Variants in ZFYVE26 observed in about 807,000 individuals in gnomAD.
ZFYVE26 encodes zinc finger FYVE domain-containing protein 26.
In ZFYVE26, 181 loss-of-function variants were observed where a neutral mutation model predicts 276.5. The observed-to-expected ratio is 0.65, with a 90% CI of 0.58 to 0.74. ZFYVE26 has a LOEUF of 0.74. Among genes scored for constraint, ZFYVE26 ranks in the 30% least tolerant of loss-of-function variants. ZFYVE26 has a pLI of 0.00. For synonymous variants in ZFYVE26, 1,129 were observed against 1,203.1 expected (o/e 0.94, Z 1.27); for missense variants, 2,821 against 3,097.9 (o/e 0.91, Z 2.12).
intron 19 of ZFYVE26, 101 bp from the exon 20 acceptor site, chr14:67,784,537 G>T: frequency 9.9e-7 from 1 of 1,013,942 alleles, no homozygotes; most frequent in South Asian, 1.3e-5. Flanking sequence ...TCAAGATGAA[G>T]ACAATATGGA....
rs758630065 is a variant in ZFYVE26 at position 67,754,240 on chromosome 14, G to A, written c.6987-28C>T. 10 of 1,613,994 alleles carry A rather than the reference G, an allele frequency of 6.2e-6. No individual in the cohort carries two copies. The East Asian group carries it at 2.2e-4, about 36-fold the overall frequency. On this transcript the variant is annotated intron_variant, in intron 37 of 41. Transcript: ENST00000347230. ...GTGGTGACAGAATATGCACAGTCCA[G>A]CCTCATGAGGGGCCCCAGGTGACTG...
Position 67,730,861 on chromosome 14 carries a change from C to T in ZFYVE26, n.2680-1042G>A, listed in dbSNP as rs77943938. ...TCAGTTGATCCACCTGCCTTGGCCT[C>T]CTAAAGTGCTGGGATTACAGGCGTG... On this transcript the variant is annotated intron_variant and non_coding_transcript_variant, in intron 13 of 14. Transcript: ENST00000394455. Among the ~76,000 whole-genome samples, 1,391 of 152,284 alleles carry T rather than the reference C, an allele frequency of 9.1e-3. 47 individuals are homozygous for T. The highest frequency in any genetic ancestry group is 0.072 in the East Asian group (373 of 5,170).
Position 67,766,283 on chromosome 14 carries a change from G to T in ZFYVE26, c.5955C>A (p.Ser1985Arg), listed in dbSNP as rs750847486. 6.2e-7 allele frequency: 1 copy of T among 1,613,868 alleles called. No individual in the cohort carries two copies. Among genetic ancestry groups the T allele is most frequent in the African/African-American group, 1.3e-5 (1 of 74,910 alleles). ...LTDIMKQLLF[S>R]AKMMFVKAGQ... ...CGGCTTTGACGAACATCATCTTGGC[G>T]CTGAACAGCAGCTGCTTCATGATGT... The change falls in exon 32 of 42, where the codon AGC (serine) becomes AGA (arginine). Residue 1985 changes from serine to arginine, a missense_variant. Coordinates refer to ENST00000347230, the MANE Select transcript of ZFYVE26 (RefSeq NM_015346.4).
rs752365637 is a variant in ZFYVE26, at chr14:67,751,246, T to C, written c.7372-150A>G. ...TTCTCAAAGACATGGGGTCTCACTATGTTGCCCATGCTGGAGTGTAGTGGC... is the reference window on the plus strand; with the variant it reads ...TTCTCAAAGACATGGGGTCTCACTACGTTGCCCATGCTGGAGTGTAGTGGC... On this transcript the variant is annotated intron_variant, in intron 40 of 41. Coordinates refer to ENST00000347230, the MANE Select transcript of ZFYVE26 (RefSeq NM_015346.4). The C allele has an allele frequency of 8.2e-5, 65 of 795,396 alleles. 1 individual carries two copies. The highest frequency in any genetic ancestry group is 1.3e-4 in the Non-Finnish European group (60 of 469,536). The allele number at this position is 795,396 out of a possible 1,614,324, so 49.3% of individuals were successfully genotyped here.
intron 9 of ZFYVE26, among the ~76,000 whole-genome samples, 191 bp downstream of exon 9, chr14:67,803,910 C>CA (rs2040126137): frequency 1.3e-5 from 2 of 152,190 alleles, no homozygotes; most frequent in African/African-American, 4.8e-5. Context: ...CCCTACACCT[C>CA]ACCAAGGAAG....
chr14:67,815,409 C>A (rs115647187), intron 2 of ZFYVE26: 2 of 288,434 alleles, frequency 6.9e-6, no homozygotes, highest in South Asian at 3.9e-5. Context: ...TTAAGTAAAG[C>A]GACAACAATA....
chr14:67,768,625 A>G (rs1389342630), intron 29 of ZFYVE26, 77 bp from the exon 30 acceptor site: 106 of 1,388,202 alleles, frequency 7.6e-5, no homozygotes, highest in Non-Finnish European at 5.2e-5. Flanking sequence ...GACAGCATCA[A>G]CTTACAGTGT....
chr14:67,772,039 C>T lies in ZFYVE26; in HGVS notation c.5484+8G>A, dbSNP rs2140207258. 5.6e-6 allele frequency: 9 copies of T among 1,610,228 alleles called. No individual in the cohort carries two copies. Among genetic ancestry groups the T allele is most frequent in the Non-Finnish European group, 7.6e-6 (9 of 1,179,062 alleles). ...CTGAGGGTGACAGTGGAGACCGATG[C>T]TGCTTACCATGGTGAAGTGCTCCCT... On this transcript the variant is annotated splice_region_variant and intron_variant, in intron 28 of 41. Transcript: ENST00000347230.
chr14:67,805,362 T>G (rs2040158295), intron 7 of ZFYVE26, 57 bp from the exon 8 acceptor site: 2 of 1,613,520 alleles, frequency 1.2e-6, no homozygotes, highest in South Asian at 2.2e-5. Flanking sequence ...GGTTACAGAT[T>G]ATGACTGATT....
chr14:67,746,182 T>C (rs745621706), downstream of ZFYVE26, among the ~76,000 whole-genome samples: 2 of 152,092 alleles, frequency 1.3e-5, no homozygotes, highest in Non-Finnish European at 2.9e-5. Context: ...TAGACACTGA[T>C]AACAATGGTG....
chr14:67,751,001 C>T (rs764317975), intron 41 of ZFYVE26, 51 bp downstream of exon 41: 27 of 1,611,756 alleles, frequency 1.7e-5, no homozygotes, highest in Non-Finnish European at 2.2e-5. Context: ...CTAGGCAAGC[C>T]TGAGACACAA....
rs748496027 is a variant in ZFYVE26 at position 67,729,309 on chromosome 14, G to C, written n.3190C>G. ...TCTCCCCCTTTGTCAAGACGGCACGGGAGGGGGCGCAGACCAGCCTGCACT... is the reference window on the plus strand; with the variant it reads ...TCTCCCCCTTTGTCAAGACGGCACGCGAGGGGGCGCAGACCAGCCTGCACT... On this transcript the variant is annotated non_coding_transcript_exon_variant, in exon 14 of 15. Transcript: ENST00000394455. 21 of 1,601,336 alleles carry C rather than the reference G, an allele frequency of 1.3e-5. No homozygotes were observed. Among genetic ancestry groups the C allele is most frequent in the Non-Finnish European group, 1.8e-5 (21 of 1,179,920 alleles).
intron 13 of ZFYVE26, among the ~76,000 whole-genome samples, chr14:67,730,649 G>A (rs1273536836): frequency 6.6e-6 from 1 of 152,074 alleles, no homozygotes; most frequent in East Asian, 1.9e-4. Context: ...TGTCACTCAG[G>A]CTGGAGGGCA....
At chr14:67,745,848 A>G (rs536219763), downstream of ZFYVE26, among the ~76,000 whole-genome samples, 130 of 139,228 alleles carry the variant, frequency 9.3e-4, 1 homozygote, top group Admixed American at 1.6e-3. Flanking sequence ...CAACATAGTG[A>G]GATACTGTCT....
At position 67,755,646 on chromosome 14, in the gene ZFYVE26, T is replaced by C. The variant is rs184031435; in HGVS notation, c.6786+302A>G. Reference sequence around the variant, plus strand: ...ACACTAACGTTTCCATCATTCCTTATGAATTCTACATTCACGCCTCATGCT... The same window carrying C: ...ACACTAACGTTTCCATCATTCCTTACGAATTCTACATTCACGCCTCATGCT... On this transcript the variant is annotated intron_variant, in intron 36 of 41. Coordinates refer to ENST00000347230, the MANE Select transcript of ZFYVE26 (RefSeq NM_015346.4). 7.2e-5 allele frequency among the ~76,000 whole-genome samples: 11 copies of C among 152,372 alleles called. No individual in the cohort carries two copies. The East Asian group carries it at 1.7e-3, about 24-fold the overall frequency.
chr14:67,751,464 C>G (rs924945297), intron 40 of ZFYVE26: 1 of 341,140 alleles, frequency 2.9e-6, no homozygotes, highest in Non-Finnish European at 5.7e-6. Flanking sequence ...CACTATAGTC[C>G]AAAACTCCTG....
At position 67,783,283 on chromosome 14, in the gene ZFYVE26, G is replaced by C. The variant is rs557195518; in HGVS notation, c.3869C>G (p.Ser1290Cys). ...ENPTLERKPY[S>C]SPRDSSLPAL... ...TGGGAGTGATGAGTCCCTTGGGGAG[G>C]AGTAGGGCTTTCTTTCCAATGTAGG... The change falls in exon 21 of 42, where the codon TCC becomes TGC. Residue 1290 changes from serine to cysteine, a missense_variant. By Grantham distance (112) the Ser-to-Cys change is moderately radical. Coordinates refer to ENST00000347230, the MANE Select transcript of ZFYVE26 (RefSeq NM_015346.4). The C allele has an allele frequency of 6.8e-6, 11 of 1,613,530 alleles. No homozygotes were observed. Among genetic ancestry groups the C allele is most frequent in the Non-Finnish European group, 9.3e-6 (11 of 1,179,604 alleles).
rs555947095 is a variant in ZFYVE26, at chr14:67,807,451, G to A, written c.833C>T (p.Thr278Ile). 3.7e-6 allele frequency: 6 copies of A among 1,614,184 alleles called. No homozygotes were observed. The East Asian group carries it at 8.9e-5, about 24-fold the overall frequency. ...CTTTTCTGTGACCTTCTCTGCATAG[G>A]TATGGCCATACAGGGACAGCAGGCC... ...SRGLLSLYGH[T>I]YAEKVTEKPP... Residue 278 changes from threonine to isoleucine, a missense_variant, in exon 5 of 42, where the codon ACC becomes ATC. Coordinates refer to ENST00000347230, the MANE Select transcript of ZFYVE26 (RefSeq NM_015346.4).
At chr14:67,752,211 T>G in intron 40 of ZFYVE26, 133 bp downstream of exon 40, 1 of 1,197,206 alleles carries the variant, frequency 8.4e-7, no homozygotes, top group Admixed American at 2.0e-5. Context: ...GAGGCCATTA[T>G]TGCAGAGGGG....
Sources: gnomAD v4.1 joint callset for allele counts (sites outside exome capture counted in the v4.1 genomes callset) on GRCh38, gnomAD v4.1.1 for gene constraint, MANE v1.5 for transcripts, NCBI Gene and HGNC (gene_info 2026-07-23, HGNC 2026-07-21) for gene names.